Variants in POMP observed in about 807,000 individuals in gnomAD.
The protein encoded by POMP is 2510048O06Rik.
POMP carries 12 observed loss-of-function variants against 20.6 expected under a neutral mutation model. The observed-to-expected ratio is 0.58, with a 90% CI of 0.37 to 0.94. POMP has a LOEUF of 0.94. Ranked by LOEUF, POMP falls within the 40% of genes least tolerant of loss-of-function variation. The pLI, the probability that POMP is intolerant of heterozygous loss-of-function variation, is 0.01. For missense variants in POMP, 136 were observed against 161.1 expected, an observed-to-expected ratio of 0.84 and a Z score of 0.84; for synonymous variants, 53 against 55.0, an observed-to-expected ratio of 0.96 and a Z score of 0.16.
chr13:28,671,185 T>G (rs1884539507), intron 4 of POMP, among the ~76,000 whole-genome samples: 1 of 152,354 alleles, frequency 6.6e-6, no homozygotes, highest in South Asian at 2.1e-4. Flanking sequence ...GAATCTTGGC[T>G]TAGCCATCTA....
chr13:28,674,025 G>A (rs1408726718), intron 5 of POMP, among the ~76,000 whole-genome samples: 1 of 152,218 alleles, frequency 6.6e-6, no homozygotes, highest in African/African-American at 2.4e-5. Context: ...ATTTCTGAAA[G>A]AAACATGAAA....
chr13:28,664,947 A>G (rs987212241), intron 3 of POMP, among the ~76,000 whole-genome samples: 1 of 152,206 alleles, frequency 6.6e-6, no homozygotes, highest in Admixed American at 6.5e-5. Flanking sequence ...ACTGTAGGAC[A>G]CAGCCACTAG....
At chr13:28,676,411 T>C (rs1473090020) in intron 5 of POMP, among the ~76,000 whole-genome samples, 1 of 152,250 alleles carries the variant, frequency 6.6e-6, no homozygotes, top group Non-Finnish European at 1.5e-5. Flanking sequence ...ATATTAATTC[T>C]TTACATAACA....
intron 3 of POMP, among the ~76,000 whole-genome samples, chr13:28,667,366 C>T (rs1354113497): frequency 6.6e-6 from 1 of 152,102 alleles, no homozygotes; most frequent in East Asian, 1.9e-4. Context: ...ATAGCCACTG[C>T]ACTCCAGCCA....
intron 5 of POMP, 24 bp from the exon 6 acceptor site, chr13:28,678,011 A>G (rs764597937): frequency 5.6e-6 from 9 of 1,607,988 alleles, no homozygotes; most frequent in Admixed American, 5.0e-5. Context: ...GTCTTTTAAA[A>G]TGTTTGTTTT....
At chr13:28,677,996 T>C in intron 5 of POMP, 39 bp from the exon 6 acceptor site, 1 of 1,585,012 alleles carries the variant, frequency 6.3e-7, no homozygotes, top group African/African-American at 1.3e-5. Flanking sequence ...ATCTCTTTTT[T>C]GAGAGTCTTT....
intron 4 of POMP, among the ~76,000 whole-genome samples, chr13:28,671,833 A>G (rs568317391): frequency 2.6e-5 from 4 of 152,272 alleles, no homozygotes; most frequent in African/African-American, 9.6e-5. Context: ...CATTTAGTCA[A>G]AGACCACCTA....
At chr13:28,672,126 A>G (rs902130584) in intron 4 of POMP, among the ~76,000 whole-genome samples, 1 of 152,220 alleles carries the variant, frequency 6.6e-6, no homozygotes, top group Non-Finnish European at 1.5e-5. Context: ...ACCAGGTAGG[A>G]TTATTGTTAA....
At chr13:28,665,067 A>G (rs974250938) in intron 3 of POMP, among the ~76,000 whole-genome samples, 34 of 152,180 alleles carry the variant, frequency 2.2e-4, no homozygotes, top group Admixed American at 4.6e-4. Context: ...AATGCTAGAG[A>G]AGACCAAGGA....
rs1566112105 is a variant in POMP at position 28,678,864 on chromosome 13, CAT to C, written c.*763_*764del. On this transcript the variant is annotated 3_prime_UTR_variant, in exon 6 of 6. Transcript: ENST00000380842. The stretch of plus-strand genomic sequence containing the variant: ...TATATAAAAATTTACATTTTTAGAA[CAT>C]TAGTGAATGGATCATCTTTTACAAT... The C allele has an allele frequency of 6.6e-6, 1 of 152,122 alleles. No individual in the cohort carries two copies. Among genetic ancestry groups the C allele is most frequent in the Non-Finnish European group, 1.5e-5 (1 of 68,014 alleles). The allele number at this position is 152,122 out of a possible 1,614,324, so 9.4% of individuals were successfully genotyped here.
At position 28,666,059 on chromosome 13, in the gene POMP, G is replaced by A. The variant is rs58102623; in HGVS notation, c.162+1490G>A. ...ATTAGGTTTTTGGAAAAAAGGTTGA[G>A]AAGGATAGTTCATTCTGTTGAATAA... On this transcript the variant is annotated intron_variant, in intron 3 of 5. Coordinates refer to ENST00000380842, the MANE Select transcript of POMP (RefSeq NM_015932.6). Among the ~76,000 whole-genome samples the A allele has an allele frequency of 7.5e-3, 1,138 of 152,316 alleles. 13 individuals carry two copies. Among genetic ancestry groups the A allele is most frequent in the African/African-American group, 0.026 (1,060 of 41,552 alleles).
At chr13:28,673,286 G>A (rs1011685784) in intron 5 of POMP, among the ~76,000 whole-genome samples, 1 of 152,096 alleles carries the variant, frequency 6.6e-6, no homozygotes, top group Non-Finnish European at 1.5e-5. Context: ...GGCCAGGCTG[G>A]TCTCGAACTC....
intron 5 of POMP, among the ~76,000 whole-genome samples, chr13:28,673,365 G>A (rs965590581): frequency 4.6e-5 from 7 of 152,086 alleles, no homozygotes; most frequent in East Asian, 3.8e-4. Context: ...CACTGCACCC[G>A]GCCGAATCTG....
chr13:28,671,515 C>T (rs1884545528), intron 4 of POMP, among the ~76,000 whole-genome samples: 1 of 151,406 alleles, frequency 6.6e-6, no homozygotes, highest in Non-Finnish European at 1.5e-5. Flanking sequence ...TAACAGCTGC[C>T]TGCTCCTCCC....
chr13:28,670,905 G>C (rs569702815), intron 4 of POMP, among the ~76,000 whole-genome samples: 220 of 152,178 alleles, frequency 1.4e-3, no homozygotes, highest in African/African-American at 4.9e-3. Context: ...AAATTAGCCA[G>C]GCCTGGTGGC....
chr13:28,668,173 G>A (rs1374305498), intron 3 of POMP, among the ~76,000 whole-genome samples: 1 of 150,976 alleles, frequency 6.6e-6, no homozygotes, highest in Non-Finnish European at 1.5e-5. Context: ...AATCAAAAGC[G>A]CTAAAATATG....
In POMP at chr13:28,662,403, G is replaced by A. The variant is rs1407718603; in HGVS notation, c.4-7G>A. On this transcript the variant is annotated splice_polypyrimidine_tract_variant and splice_region_variant and intron_variant, in intron 1 of 5. Coordinates refer to ENST00000380842, the MANE Select transcript of POMP (RefSeq NM_015932.6). ...CTATTTAATAATGTTTTTTATTTGTGTTGTAGAATGCCAGAGGACTTGGAT... is the reference window on the plus strand; with the variant it reads ...CTATTTAATAATGTTTTTTATTTGTATTGTAGAATGCCAGAGGACTTGGAT... 14 of 1,603,412 alleles carry A rather than the reference G, an allele frequency of 8.7e-6. No individual in the cohort carries two copies. Among genetic ancestry groups the A allele is most frequent in the Non-Finnish European group, 1.2e-5 (14 of 1,170,506 alleles).
At chr13:28,673,391 T>C (rs1055455765) in intron 5 of POMP, among the ~76,000 whole-genome samples, 4 of 152,182 alleles carry the variant, frequency 2.6e-5, no homozygotes, top group African/African-American at 9.6e-5. Flanking sequence ...TTTAATAAAA[T>C]TCCCTGAATA....
chr13:28,662,457 T>G lies in POMP; in HGVS notation c.51T>G (p.Thr17=). The G allele has an allele frequency of 6.2e-7, 1 of 1,614,046 alleles. No homozygotes were observed. Among genetic ancestry groups the G allele is most frequent in the Non-Finnish European group, 8.5e-7 (1 of 1,179,894 alleles). ...AGCTAAAGGACAGTATTCCAGTTAC[T>G]GAACTTTCAGCAAGTGGACCTTTTG... The part of the protein sequence containing the change: ...GSELKDSIPV[T]ELSASGPFES... The change falls in exon 2 of 6, where the codon ACT becomes ACG. Residue 17 remains threonine (T), a synonymous_variant. Coordinates refer to ENST00000380842, the MANE Select transcript of POMP (RefSeq NM_015932.6).
Sources: gnomAD v4.1 joint callset for allele counts (sites outside exome capture counted in the v4.1 genomes callset) on GRCh38, gnomAD v4.1.1 for gene constraint, MANE v1.5 for transcripts, NCBI Gene and HGNC (gene_info 2026-07-23, HGNC 2026-07-21) for gene names.